The following PDIA6 variants were observed in gnomAD, a reference collection of about 807,000 sequenced individuals.
PDIA6 encodes the protein protein disulfide-isomerase A6.
PDIA6 carries 29 observed loss-of-function variants against 58.4 expected under a neutral mutation model. The ratio of observed to expected loss-of-function variants is 0.50; its 90% CI spans 0.37 to 0.68. PDIA6 has a LOEUF of 0.68. Among genes scored for constraint, PDIA6 ranks in the 30% least tolerant of loss-of-function variants. The pLI, the probability that PDIA6 is intolerant of heterozygous loss-of-function variation, is 0.00. For synonymous variants in PDIA6, 192 were observed against 202.6 expected (o/e 0.95, Z 0.44); for missense variants, 480 against 551.0 (o/e 0.87, Z 1.29).
intron 9 of PDIA6, 35 bp downstream of exon 9, chr2:10,788,862 G>C (rs1268912487): frequency 1.3e-6 from 2 of 1,573,634 alleles, no homozygotes; most frequent in African/African-American, 1.3e-5. Flanking sequence ...ATCTAGCATA[G>C]AACAGCTAAG....
intron 1 of PDIA6, among the ~76,000 whole-genome samples, chr2:10,806,025 TAAAAAAAAAAAA>T (rs80344702): frequency 1.4e-5 from 1 of 71,178 alleles, no homozygotes; most frequent in East Asian, 4.2e-4. Context: ...AAAGTATAAT[TAAAAAAAAAAAA>T]AAAAAAACGA....
intron 1 of PDIA6, among the ~76,000 whole-genome samples, chr2:10,829,808 G>T (rs953606771): frequency 1.1e-4 from 16 of 152,106 alleles, no homozygotes; most frequent in African/African-American, 3.9e-4. Flanking sequence ...GTCCATCCCT[G>T]GATTCCTCTA....
rs1665571979 is a variant in PDIA6 at position 10,784,081 on chromosome 2, T to G, written c.*177A>C. On this transcript the variant is annotated 3_prime_UTR_variant, in exon 13 of 13. Transcript: ENST00000272227. ...CAACAATTCATAGAATTTTTCAATGTTTTCTTGAGATGCAAAAGTTCACTG... is the reference window on the plus strand; with the variant it reads ...CAACAATTCATAGAATTTTTCAATGGTTTCTTGAGATGCAAAAGTTCACTG... 2.3e-6 allele frequency: 1 copy of G among 442,990 alleles called. No individual in the cohort carries two copies. Among genetic ancestry groups the G allele is most frequent in the African/African-American group, 2.0e-5 (1 of 50,082 alleles). The allele number at this position is 442,990 out of a possible 1,614,324, so 27.4% of individuals were successfully genotyped here.
intron 4 of PDIA6, among the ~76,000 whole-genome samples, chr2:10,794,211 A>G (rs4644994): frequency 0.49 from 74,105 of 151,446 alleles, 19,619 homozygotes; most frequent in Middle Eastern, 0.59. Context: ...TTTGGGAGGC[A>G]GAGGCACGTG....
At chr2:10,788,650 T>C in intron 10 of PDIA6, 47 bp downstream of exon 10, 1 of 1,244,232 alleles carries the variant, frequency 8.0e-7, no homozygotes, top group Non-Finnish European at 1.2e-6. Flanking sequence ...AGAAAGCCTA[T>C]AATCAGCTGT....
rs147882132 is a variant in PDIA6 at position 10,784,969 on chromosome 2, C to G, written c.1219G>C (p.Val407Leu). 5 of 1,592,844 alleles carry G rather than the reference C, an allele frequency of 3.1e-6. No homozygotes were observed. Among genetic ancestry groups the G allele is most frequent in the African/African-American group, 1.3e-5 (1 of 74,708 alleles). Residue 407 changes from valine to leucine, a missense_variant, in exon 12 of 13, where the codon GTT becomes CTT. Val to Leu is a conservative substitution (Grantham distance 32). Coordinates refer to ENST00000272227, the MANE Select transcript of PDIA6 (RefSeq NM_005742.4). ...PVGGGAFPTI[V>L]EREPWDGRDG... The stretch of plus-strand genomic sequence containing the variant: ...CTGCCGTCCCAAGGCTCTCTCTCAA[C>G]GATGGTAGGGAAAGCCCCGCCTCCT...
At chr2:10,794,460 A>G (rs976446414) in intron 4 of PDIA6, among the ~76,000 whole-genome samples, 9 of 141,030 alleles carry the variant, frequency 6.4e-5, no homozygotes, top group Non-Finnish European at 1.2e-4. Context: ...AAAAAAAAAA[A>G]AATCTTTCTT....
intron 12 of PDIA6, 27 bp downstream of exon 12, chr2:10,784,907 C>T (rs757881117): frequency 2.0e-6 from 3 of 1,485,586 alleles, no homozygotes; most frequent in Admixed American, 1.9e-5. Context: ...GACTGCTGCC[C>T]GCACAGCTTC....
upstream of PDIA6, among the ~76,000 whole-genome samples, chr2:10,816,077 C>CTTTTT (rs57404091): frequency 0.052 from 4,993 of 96,204 alleles, 516 homozygotes; most frequent in African/African-American, 0.093. Flanking sequence ...AATCATTTGT[C>CTTTTT]TTTTTTTTTT....
At chr2:10,830,628 C>G (rs1165868357) in intron 1 of PDIA6, among the ~76,000 whole-genome samples, 1 of 152,228 alleles carries the variant, frequency 6.6e-6, no homozygotes, top group East Asian at 1.9e-4. Context: ...CCCATGAGGG[C>G]AAAGCAATTT....
chr2:10,818,520 T>G (rs1667279998), intron 2 of PDIA6, among the ~76,000 whole-genome samples: 1 of 130,274 alleles, frequency 7.7e-6, no homozygotes, highest in South Asian at 2.4e-4. Context: ...ATTTATTTAT[T>G]TATTTATTTA....
chr2:10,832,391 T>A, exon 1 of PDIA6: 5 of 984,564 alleles, frequency 5.1e-6, no homozygotes, highest in Non-Finnish European at 6.0e-6. Context: ...ATCCTCGCCA[T>A]CTACGCCTCA....
chr2:10,792,035 T>C, intron 5 of PDIA6, 110 bp from the exon 6 acceptor site: 2 of 1,175,126 alleles, frequency 1.7e-6, no homozygotes, highest in East Asian at 4.7e-5. Context: ...GGTTTTTCTT[T>C]AGTGAATAAA....
At chr2:10,819,180 T>C (rs1222791876) in intron 2 of PDIA6, 7 of 704,396 alleles carry the variant, frequency 9.9e-6, no homozygotes, top group Non-Finnish European at 1.7e-5. Flanking sequence ...ATTTTGTTTA[T>C]CCATCCGTCT....
chr2:10,834,721 C>CCCTCCCTTCCCTCCTTCCTTCCTT (rs1303608003), upstream of PDIA6, among the ~76,000 whole-genome samples: 7 of 45,474 alleles, frequency 1.5e-4, no homozygotes, highest in African/African-American at 5.9e-4. Context: ...CTCCCTCCCT[C>CCCTCCCTTCCCTCCTTCCTTCCTT]CCTTCCTTCC....
chr2:10,818,889 C>T (rs1268074596), intron 2 of PDIA6, among the ~76,000 whole-genome samples: 1 of 152,094 alleles, frequency 6.6e-6, no homozygotes, highest in Non-Finnish European at 1.5e-5. Flanking sequence ...CAACCTTCAT[C>T]TCCAGAGCTT....
intron 4 of PDIA6, among the ~76,000 whole-genome samples, chr2:10,794,468 CTTTTTTT>C (rs76574229): frequency 0.011 from 1,422 of 128,684 alleles, 27 homozygotes; most frequent in African/African-American, 0.039. Context: ...AAAAATCTTT[CTTTTTTT>C]TTTTTTTTTT....
intron 2 of PDIA6, 72 bp from the exon 3 acceptor site, chr2:10,797,829 A>G: frequency 8.1e-7 from 1 of 1,231,600 alleles, no homozygotes; most frequent in Non-Finnish European, 1.2e-6. Flanking sequence ...CAAAAATTCA[A>G]TTAAAAAACC....
intron 1 of PDIA6, among the ~76,000 whole-genome samples, chr2:10,828,967 T>C (rs1021697384): frequency 6.6e-6 from 1 of 152,158 alleles, no homozygotes; most frequent in Non-Finnish European, 1.5e-5. Context: ...ACAGCTGATG[T>C]ATCATCACGT....
Sources: gnomAD v4.1 joint callset for allele counts (sites outside exome capture counted in the v4.1 genomes callset) on GRCh38, gnomAD v4.1.1 for gene constraint, MANE v1.5 for transcripts, NCBI Gene and HGNC (gene_info 2026-07-23, HGNC 2026-07-21) for gene names.